Variants in PAPOLA observed in about 807,000 individuals in gnomAD.
The protein encoded by PAPOLA is poly(A) polymerase alpha, also known as polynucleotide adenylyltransferase alpha.
A neutral mutation model predicts 100.6 loss-of-function variants in PAPOLA; 15 were observed. That is an observed-to-expected ratio of 0.15 (90% CI 0.10 to 0.23). The LOEUF (loss-of-function observed/expected upper bound fraction) is 0.23. Ranked by LOEUF, PAPOLA falls within the 10% of genes least tolerant of loss-of-function variation. The probability of loss-of-function intolerance (pLI) is 1.00; values close to 1 mark genes in which losing one functional copy is unlikely to be tolerated. For synonymous variants in PAPOLA, 293 were observed against 300.0 expected, an observed-to-expected ratio of 0.98 and a Z score of 0.24; for missense variants, 533 against 884.2, an observed-to-expected ratio of 0.60 and a Z score of 5.04.
Position 96,502,416 on chromosome 14 carries a change from T to G in PAPOLA, c.-177T>G, listed in dbSNP as rs756794966. On this transcript the variant is annotated 5_prime_UTR_variant, in exon 1 of 22. It introduces an in-frame stop codon into an upstream open reading frame of the 5' UTR. Transcript: ENST00000216277. ...CTGTGGTAGCGCTCGGGCGCCATGT[T>G]AGGACGAAGGGGAAGGAGGAGAAGC... The G allele has an allele frequency of 2.9e-6, 2 of 701,508 alleles. No homozygotes were observed. 43.5% of individuals were successfully genotyped at this position (701,508 alleles called of 1,614,324 possible). A position where few individuals can be genotyped will look rare whatever the true frequency, so the allele number is the denominator to read the frequency against.
chr14:96,509,869 G>T (rs1263651235), intron 1 of PAPOLA, among the ~76,000 whole-genome samples: 10 of 151,992 alleles, frequency 6.6e-5, no homozygotes, highest in Admixed American at 6.6e-4. Flanking sequence ...ACTACTTTCA[G>T]TGGCTTTATT....
chr14:96,506,307 ATGTAC>A (rs1376456923), intron 1 of PAPOLA, among the ~76,000 whole-genome samples: 2 of 152,194 alleles, frequency 1.3e-5, no homozygotes, highest in Admixed American at 1.3e-4. Context: ...TGTTTATTTA[ATGTAC>A]TGTGACCACG....
intron 12 of PAPOLA, among the ~76,000 whole-genome samples, chr14:96,538,876 G>C (rs1408509578): frequency 6.6e-6 from 1 of 151,966 alleles, no homozygotes; most frequent in Admixed American, 6.6e-5. Context: ...CTTATTTGAG[G>C]CATATCATGA....
chr14:96,524,519 T>C (rs1191268021), intron 3 of PAPOLA, among the ~76,000 whole-genome samples: 1 of 151,960 alleles, frequency 6.6e-6, no homozygotes, highest in Non-Finnish European at 1.5e-5. Flanking sequence ...CTTCCCCTCT[T>C]CCCCTTCCCC....
chr14:96,511,072 G>A (rs1216616602), intron 1 of PAPOLA, among the ~76,000 whole-genome samples: 1 of 152,114 alleles, frequency 6.6e-6, no homozygotes, highest in African/African-American at 2.4e-5. Flanking sequence ...TTATCTGATT[G>A]GTTTCAAAGA....
intron 15 of PAPOLA, among the ~76,000 whole-genome samples, chr14:96,546,889 G>C (rs147672174): frequency 1.3e-5 from 2 of 152,094 alleles, no homozygotes; most frequent in Non-Finnish European, 2.9e-5. Flanking sequence ...GCTGCTTAGG[G>C]CATTTTGTTC....
chr14:96,549,647 C>T (rs564573442), intron 16 of PAPOLA, among the ~76,000 whole-genome samples: 1 of 152,242 alleles, frequency 6.6e-6, no homozygotes, highest in South Asian at 2.1e-4. Context: ...TATACACAGA[C>T]TGTTCAGTGC....
chr14:96,532,277 T>C (rs1899090610), intron 7 of PAPOLA, 54 bp from the exon 8 acceptor site: 2 of 1,517,778 alleles, frequency 1.3e-6, no homozygotes, highest in African/African-American at 1.4e-5. Flanking sequence ...TTTTGTTTTG[T>C]TTTGTTTTGT....
At chr14:96,550,203 G>A (rs538083499) in intron 16 of PAPOLA, among the ~76,000 whole-genome samples, 1 of 152,134 alleles carries the variant, frequency 6.6e-6, no homozygotes, top group Non-Finnish European at 1.5e-5. Flanking sequence ...GTTTTCAGAA[G>A]TGAAAGTAGA....
chr14:96,564,928 T>C (rs1048727619), intron 21 of PAPOLA, 27 bp from the exon 22 acceptor site: 1 of 1,123,724 alleles, frequency 8.9e-7, no homozygotes, highest in South Asian at 1.2e-5. Flanking sequence ...CTTTGAACAA[T>C]GTTGTGTTCT....
chr14:96,507,432 C>T (rs953313195), intron 1 of PAPOLA, among the ~76,000 whole-genome samples: 1 of 151,288 alleles, frequency 6.6e-6, no homozygotes, highest in Non-Finnish European at 1.5e-5. Flanking sequence ...GGACTACAGG[C>T]GCCCGCCACT....
intron 11 of PAPOLA, 89 bp from the exon 12 acceptor site, chr14:96,536,887 T>C (rs1899584023): frequency 2.7e-6 from 2 of 744,124 alleles, no homozygotes; most frequent in South Asian, 1.6e-5. Flanking sequence ...TTTAGGATTA[T>C]AGTGAGTGCA....
At position 96,556,388 on chromosome 14, in the gene PAPOLA, G is replaced by A. The variant is rs1901331652; in HGVS notation, c.1979G>A (p.Ser660Asn). 1 of 1,612,714 alleles carries A rather than the reference G, an allele frequency of 6.2e-7. No individual in the cohort carries two copies. Among genetic ancestry groups the A allele is most frequent in the Admixed American group, 1.7e-5 (1 of 59,962 alleles). The stretch of plus-strand genomic sequence containing the variant: ...ACATCCTCACCTCATAAAGAAGAGA[G>A]TCCCAAGAAAACCAAAACAGAAGAG... The part of the protein sequence containing the change: ...KRTSSPHKEE[S>N]PKKTKTEEDE... Residue 660 changes from serine (S) to asparagine (N), a missense_variant, in exon 19 of 22, where the codon AGT becomes AAT. Physicochemically the swap from Ser to Asn is conservative, Grantham distance 46. This residue lies in a region of PAPOLA where 242 missense variants were observed against 281.0 expected (regional missense o/e 0.86). Coordinates refer to ENST00000216277, the MANE Select transcript of PAPOLA (RefSeq NM_032632.5).
chr14:96,509,158 A>G (rs547398096), intron 1 of PAPOLA, among the ~76,000 whole-genome samples: 2 of 152,216 alleles, frequency 1.3e-5, no homozygotes, highest in African/African-American at 4.8e-5. Context: ...CAGCCTCCCA[A>G]GTATCTGGGA....
intron 3 of PAPOLA, among the ~76,000 whole-genome samples, chr14:96,524,175 T>A (rs1172077953): frequency 6.6e-6 from 1 of 151,826 alleles, no homozygotes; most frequent in South Asian, 2.1e-4. Flanking sequence ...TACTGAGGAG[T>A]TAGGTAAAAG....
chr14:96,565,702 G>T lies in PAPOLA; in HGVS notation c.*652G>T. Reference sequence around the variant, plus strand: ...TTTGATAGGGTCATGATTAAGAAATGATATATTGGTTTTATTTATGGAATT... The same window carrying T: ...TTTGATAGGGTCATGATTAAGAAATTATATATTGGTTTTATTTATGGAATT... On this transcript the variant is annotated 3_prime_UTR_variant, in exon 22 of 22. Transcript: ENST00000216277. 1 of 397,816 alleles carries T rather than the reference G, an allele frequency of 2.5e-6. No homozygotes were observed. The highest frequency in any genetic ancestry group is 1.3e-4 in the South Asian group (1 of 7,824). The allele number at this position is 397,816 out of a possible 1,614,324, so 24.6% of individuals were successfully genotyped here. A position where few individuals can be genotyped will look rare whatever the true frequency, so the allele number is the denominator to read the frequency against.
chr14:96,538,410 C>A (rs1479871112), intron 12 of PAPOLA, among the ~76,000 whole-genome samples: 1 of 151,962 alleles, frequency 6.6e-6, no homozygotes, highest in African/African-American at 2.4e-5. Context: ...AACTTTGGTG[C>A]TTTTTCTAAA....
intron 17 of PAPOLA, among the ~76,000 whole-genome samples, chr14:96,553,818 T>TTGTA (rs1193026115): frequency 1.3e-5 from 2 of 152,144 alleles, no homozygotes. Context: ...CGGCCTGTAT[T>TTGTA]ACAATTTAAC....
chr14:96,534,390 A>C (rs1899339967), intron 9 of PAPOLA, 101 bp from the exon 10 acceptor site: 1 of 1,538,052 alleles, frequency 6.5e-7, no homozygotes, highest in African/African-American at 1.4e-5. Flanking sequence ...AAGAAGGCAG[A>C]ATGAAGAAGG....
Sources: allele counts gnomAD v4.1 joint callset (sites outside exome capture counted in the v4.1 genomes callset), GRCh38; gene constraint gnomAD v4.1.1; regional missense constraint gnomAD v4.1.1; transcripts MANE v1.5; gene names NCBI Gene and HGNC (gene_info 2026-07-23, HGNC 2026-07-21).